SPIDR: variants seen among roughly 807,000 people sequenced by gnomAD.
The protein encoded by SPIDR is DNA repair-scaffolding protein.
A neutral mutation model predicts 104.6 loss-of-function variants in SPIDR; 93 were observed. The ratio of observed to expected loss-of-function variants is 0.89; its 90% CI spans 0.75 to 1.06. The LOEUF (loss-of-function observed/expected upper bound fraction) is 1.06. Ranked by LOEUF, SPIDR falls within the 50% of genes least tolerant of loss-of-function variation. SPIDR has a pLI of 0.00. For missense variants in SPIDR, 1,154 were observed against 1,111.2 expected (o/e 1.04, Z -0.55); for synonymous variants, 431 against 416.9 (o/e 1.03, Z -0.41).
At chr8:47,671,933 CTTGGTATTTGT>C (rs1475851125) in intron 10 of SPIDR, among the ~76,000 whole-genome samples, 2 of 152,048 alleles carry the variant, frequency 1.3e-5, no homozygotes, top group Non-Finnish European at 2.9e-5. Context: ...CGTTGTCTTG[CTTGGTATTTGT>C]TTGGTCTTTT....
At position 47,713,560 on chromosome 8, in the gene SPIDR, A is replaced by G; in HGVS notation, c.2260A>G (p.Ser754Gly). The G allele has an allele frequency of 1.2e-6, 2 of 1,614,112 alleles. No individual in the cohort carries two copies. The highest frequency in any genetic ancestry group is 2.2e-5 in the South Asian group (2 of 91,088). ...CCTTTTGAGTGTGGTCTCTGGTGCAAGTTCCTGTGAGCTGCCTGGCCCGGT... is the reference window on the plus strand; with the variant it reads ...CCTTTTGAGTGTGGTCTCTGGTGCAGGTTCCTGTGAGCTGCCTGGCCCGGT... ...KPLLSVVSGASSCELPGPVML... is the reference protein window; with the variant it reads ...KPLLSVVSGAGSCELPGPVML... The change falls in exon 16 of 20, where the codon AGT (serine) becomes GGT (glycine). Residue 754 changes from serine (S) to glycine (G), a missense_variant. Transcript: ENST00000297423.
intron 5 of SPIDR, among the ~76,000 whole-genome samples, chr8:47,329,317 C>T (rs901827152): frequency 2.0e-5 from 3 of 151,862 alleles, no homozygotes; most frequent in Non-Finnish European, 2.9e-5. Flanking sequence ...ATGATCCGCC[C>T]GCCTCAGCCT....
chr8:47,262,278 A>G (rs1278098141), intron 1 of SPIDR, among the ~76,000 whole-genome samples: 5 of 152,030 alleles, frequency 3.3e-5, no homozygotes, highest in Non-Finnish European at 7.4e-5. Context: ...TTTTGAATTG[A>G]CGTTCACTTC....
intron 8 of SPIDR, among the ~76,000 whole-genome samples, chr8:47,531,580 G>A (rs2086003056): frequency 6.6e-6 from 1 of 152,182 alleles, no homozygotes; most frequent in African/African-American, 2.4e-5. Context: ...TTTTTAAGGA[G>A]CCTGTTGAGG....
intron 14 of SPIDR, among the ~76,000 whole-genome samples, chr8:47,707,373 A>G (rs543774762): frequency 1.3e-5 from 2 of 152,190 alleles, no homozygotes; most frequent in African/African-American, 2.4e-5. Context: ...CTTGCCATCC[A>G]TATGTCCTCT....
intron 8 of SPIDR, among the ~76,000 whole-genome samples, chr8:47,485,607 G>C (rs1554730595): frequency 6.6e-6 from 1 of 152,218 alleles, no homozygotes; most frequent in Non-Finnish European, 1.5e-5. Context: ...CCCCCCAGTA[G>C]GGGGAGACTG....
At chr8:47,369,045 C>G (rs2057640986) in intron 5 of SPIDR, among the ~76,000 whole-genome samples, 1 of 151,950 alleles carries the variant, frequency 6.6e-6, no homozygotes, top group Admixed American at 6.6e-5. Context: ...TAGAAGGTAG[C>G]CATTTATTAC....
intron 12 of SPIDR, among the ~76,000 whole-genome samples, chr8:47,701,038 C>T (rs2080103457): frequency 2.0e-5 from 3 of 152,202 alleles, no homozygotes; most frequent in Admixed American, 2.0e-4. Flanking sequence ...CCAGCTGCTG[C>T]TTTGGGCCAG....
rs10584346 is a variant in SPIDR, at chr8:47,658,544, CTGTTGTTGT to C, written c.1545-15222_1545-15214del. 8.2e-3 allele frequency among the ~76,000 whole-genome samples: 1,217 copies of C among 148,568 alleles called. 17 individuals are homozygous for C. The highest frequency in any genetic ancestry group is 0.028 in the Admixed American group (411 of 14,818). The stretch of plus-strand genomic sequence containing the variant: ...CCAAGCTTGCAGCAGGGTTTTGTTA[CTGTTGTTGT>C]TGTTGTTGTTGTTGTTGTTGTTGTT... On this transcript the variant is annotated intron_variant, in intron 10 of 19. Coordinates refer to ENST00000297423, the MANE Select transcript of SPIDR (RefSeq NM_001080394.4).
chr8:47,669,646 A>G (rs1037675166), intron 10 of SPIDR, among the ~76,000 whole-genome samples: 3 of 152,208 alleles, frequency 2.0e-5, no homozygotes, highest in African/African-American at 7.2e-5. Flanking sequence ...TCAAAAATAT[A>G]GAAACTTTGT....
At chr8:47,432,841 G>T (rs1255809482) in intron 7 of SPIDR, among the ~76,000 whole-genome samples, 1 of 152,124 alleles carries the variant, frequency 6.6e-6, no homozygotes, top group African/African-American at 2.4e-5. Context: ...ATCCAGTCAG[G>T]GTGGCTATCA....
chr8:47,488,493 C>G (rs943306369), intron 8 of SPIDR, among the ~76,000 whole-genome samples: 1 of 152,202 alleles, frequency 6.6e-6, no homozygotes, highest in Non-Finnish European at 1.5e-5. Context: ...TCCTCCTTAA[C>G]TTATTTTATG....
chr8:47,383,911 T>C (rs149323622), intron 5 of SPIDR, among the ~76,000 whole-genome samples: 6 of 152,366 alleles, frequency 3.9e-5, no homozygotes, highest in African/African-American at 1.4e-4. Context: ...AGGTAGTCTG[T>C]TCACCTTTTG....
chr8:47,425,381 G>A (rs1049758313), intron 7 of SPIDR, among the ~76,000 whole-genome samples: 1 of 152,068 alleles, frequency 6.6e-6, no homozygotes, highest in African/African-American at 2.4e-5. Context: ...TCTTTTAGTG[G>A]ACTAGATGGA....
At chr8:47,532,134 G>C (rs537613079) in intron 8 of SPIDR, among the ~76,000 whole-genome samples, 5 of 148,344 alleles carry the variant, frequency 3.4e-5, no homozygotes, top group African/African-American at 5.0e-5. Context: ...GCAATGGCGC[G>C]ATCTCGGCTC....
intron 5 of SPIDR, among the ~76,000 whole-genome samples, chr8:47,297,534 G>C (rs1045391253): frequency 1.3e-5 from 2 of 151,882 alleles, no homozygotes; most frequent in African/African-American, 4.8e-5. Flanking sequence ...GTATACATGT[G>C]CCATGTCGGT....
intron 5 of SPIDR, among the ~76,000 whole-genome samples, chr8:47,314,280 A>T (rs2044826453): frequency 6.6e-6 from 1 of 152,214 alleles, no homozygotes. Context: ...ATAACTAAAA[A>T]ACAAGAGAAG....
At chr8:47,535,798 A>T (rs1052557951) in intron 8 of SPIDR, among the ~76,000 whole-genome samples, 1 of 151,830 alleles carries the variant, frequency 6.6e-6, no homozygotes, top group African/African-American at 2.4e-5. Flanking sequence ...GAGAAACTAG[A>T]TGTTTTCCCA....
At chr8:47,334,603 A>C (rs1370270865) in intron 5 of SPIDR, among the ~76,000 whole-genome samples, 1 of 152,204 alleles carries the variant, frequency 6.6e-6, no homozygotes, top group East Asian at 1.9e-4. Context: ...TAATGTTAGC[A>C]TGATATATCT....
Sources: allele counts gnomAD v4.1 joint callset (sites outside exome capture counted in the v4.1 genomes callset), GRCh38; gene constraint gnomAD v4.1.1; transcripts MANE v1.5; gene names NCBI Gene and HGNC (gene_info 2026-07-23, HGNC 2026-07-21).